TEC: variants seen among roughly 807,000 people sequenced by gnomAD.
TEC encodes tyrosine-protein kinase Tec.
A neutral mutation model predicts 93.0 loss-of-function variants in TEC; 72 were observed. That is an observed-to-expected ratio of 0.77 (90% CI 0.64 to 0.94). TEC has a LOEUF of 0.94. TEC is among the 40% of genes least tolerant of loss of function. TEC has a pLI of 0.00. For synonymous variants in TEC, 249 were observed against 247.7 expected (o/e 1.01, Z -0.05); for missense variants, 630 against 757.9 (o/e 0.83, Z 1.98).
intron 12 of TEC, among the ~76,000 whole-genome samples, 172 bp from the exon 13 acceptor site, chr4:48,145,751 G>T (rs1265639887): frequency 3.9e-5 from 6 of 152,196 alleles, no homozygotes; most frequent in African/African-American, 1.4e-4. Flanking sequence ...AACTGCCAAA[G>T]GTGGGAAGGA....
chr4:48,257,184 T>A (rs950721191), intron 1 of TEC, among the ~76,000 whole-genome samples: 1 of 152,194 alleles, frequency 6.6e-6, no homozygotes, highest in Non-Finnish European at 1.5e-5. Context: ...ATAATATTTT[T>A]ATATATGGCT....
chr4:48,178,198 C>G (rs957236196), intron 2 of TEC, among the ~76,000 whole-genome samples: 3 of 113,850 alleles, frequency 2.6e-5, no homozygotes, highest in Admixed American at 9.5e-5. Context: ...GAAGAGAACC[C>G]AGCGGCCTCA....
chr4:48,259,419 G>C (rs564042469), intron 1 of TEC, among the ~76,000 whole-genome samples: 4 of 152,098 alleles, frequency 2.6e-5, no homozygotes, highest in East Asian at 3.9e-4. Flanking sequence ...ATGATATCTA[G>C]AAAGATGACA....
At chr4:48,260,645 A>T (rs1259915624) in intron 1 of TEC, among the ~76,000 whole-genome samples, 1 of 152,220 alleles carries the variant, frequency 6.6e-6, no homozygotes, top group Non-Finnish European at 1.5e-5. Flanking sequence ...GTGTCCAACA[A>T]CTGGGGAGTG....
chr4:48,247,805 T>C (rs1443208437), intron 1 of TEC, among the ~76,000 whole-genome samples: 2 of 152,250 alleles, frequency 1.3e-5, no homozygotes, highest in African/African-American at 2.4e-5. Flanking sequence ...ATCATAAATA[T>C]AGTAAAAATC....
intron 2 of TEC, among the ~76,000 whole-genome samples, chr4:48,197,543 A>AGAT (rs1465736997): frequency 1.3e-5 from 2 of 152,178 alleles, no homozygotes; most frequent in Non-Finnish European, 2.9e-5. Context: ...TGAAAGCATG[A>AGAT]GATTAACTCC....
At chr4:48,243,042 G>A (rs1288376000) in intron 1 of TEC, among the ~76,000 whole-genome samples, 3 of 152,072 alleles carry the variant, frequency 2.0e-5, no homozygotes, top group Admixed American at 1.3e-4. Flanking sequence ...TTTTACTACT[G>A]TGTTAAACAG....
At chr4:48,192,605 A>G (rs1722131318) in intron 2 of TEC, among the ~76,000 whole-genome samples, 1 of 152,252 alleles carries the variant, frequency 6.6e-6, no homozygotes, top group South Asian at 2.1e-4. Flanking sequence ...TAATAATTTA[A>G]TGTTCTAAAT....
At chr4:48,205,402 T>C (rs568802947) in intron 2 of TEC, among the ~76,000 whole-genome samples, 2 of 152,270 alleles carry the variant, frequency 1.3e-5, no homozygotes, top group East Asian at 3.9e-4. Flanking sequence ...AGATCTGCCA[T>C]AGTGGGAGTA....
chr4:48,219,334 C>A (rs187658433), intron 2 of TEC, among the ~76,000 whole-genome samples: 34 of 152,308 alleles, frequency 2.2e-4, no homozygotes, highest in Non-Finnish European at 4.4e-4. Context: ...AGGGAGTCTC[C>A]TTTCCTTGGA....
At chr4:48,256,737 C>G (rs1453047842) in intron 1 of TEC, among the ~76,000 whole-genome samples, 1 of 151,982 alleles carries the variant, frequency 6.6e-6, no homozygotes. Flanking sequence ...AATGACATCT[C>G]AGAATTTTGT....
intron 8 of TEC, among the ~76,000 whole-genome samples, chr4:48,162,483 A>T (rs527979741): frequency 2.9e-4 from 44 of 152,192 alleles, no homozygotes; most frequent in Non-Finnish European, 4.4e-4. Context: ...CCCAAATTCA[A>T]TCAGTTCTCC....
intron 1 of TEC, among the ~76,000 whole-genome samples, chr4:48,231,436 A>C (rs887914838): frequency 2.6e-5 from 4 of 152,214 alleles, no homozygotes; most frequent in African/African-American, 9.6e-5. Context: ...TTTGTGCAAC[A>C]CATTTTCAAG....
chr4:48,218,193 T>G (rs1577648094), intron 2 of TEC, among the ~76,000 whole-genome samples: 1 of 152,146 alleles, frequency 6.6e-6, no homozygotes, highest in East Asian at 1.9e-4. Flanking sequence ...CCACCTAATT[T>G]CAGAAACAAA....
chr4:48,194,869 A>G (rs900805333), intron 2 of TEC, among the ~76,000 whole-genome samples: 1 of 152,176 alleles, frequency 6.6e-6, no homozygotes, highest in Non-Finnish European at 1.5e-5. Flanking sequence ...CTTTTACTAC[A>G]GTTTCTACAG....
intron 9 of TEC, 108 bp from the exon 10 acceptor site, chr4:48,151,050 C>T (rs1720144070): frequency 2.7e-6 from 2 of 738,272 alleles, no homozygotes; most frequent in Non-Finnish European, 4.1e-6. Context: ...TTATTCTTTC[C>T]CAGAAAAAAA....
chr4:48,163,871 CTTA>C (rs10541518), intron 7 of TEC, 104 bp from the exon 8 acceptor site: 436,303 of 555,778 alleles, frequency 0.79, 173,057 homozygotes, highest in East Asian at 0.91. Context: ...TTGCTTAAAG[CTTA>C]TTATAAGAAA....
chr4:48,145,072 G>A lies in TEC; in HGVS notation c.1470+7C>T, dbSNP rs1206720360. 1.3e-5 allele frequency: 21 copies of A among 1,613,288 alleles called. No individual in the cohort carries two copies. The highest frequency in any genetic ancestry group is 1.7e-5 in the Non-Finnish European group (20 of 1,179,458). ...CAATGAGTGGGAATATGGGTGGCTA[G>A]GGTTACCAGATCTCTGTGGATGAAG... On this transcript the variant is annotated splice_region_variant and intron_variant, in intron 14 of 17. Transcript: ENST00000381501.
At chr4:48,159,987 G>T (rs1199084873) in intron 8 of TEC, among the ~76,000 whole-genome samples, 1 of 152,104 alleles carries the variant, frequency 6.6e-6, no homozygotes, top group Non-Finnish European at 1.5e-5. Context: ...CCAAAATTGG[G>T]GATCAAATTT....
Sources: gnomAD v4.1 joint callset for allele counts (sites outside exome capture counted in the v4.1 genomes callset) on GRCh38, gnomAD v4.1.1 for gene constraint, MANE v1.5 for transcripts, NCBI Gene and HGNC (gene_info 2026-07-23, HGNC 2026-07-21) for gene names.